CRPPA: variants seen among roughly 807,000 people sequenced by gnomAD.
CRPPA encodes CDP-L-ribitol pyrophosphorylase A.
A neutral mutation model predicts 52.0 loss-of-function variants in CRPPA; 43 were observed. The observed-to-expected ratio is 0.83, with a 90% confidence interval of 0.65 to 1.07. The LOEUF (loss-of-function observed/expected upper bound fraction) is 1.07. CRPPA is among the 50% of genes least tolerant of loss of function. The probability of loss-of-function intolerance (pLI) is 0.00; values close to 1 mark genes in which losing one functional copy is unlikely to be tolerated. For missense variants in CRPPA, 629 were observed against 551.7 expected (o/e 1.14, Z -1.40); for synonymous variants, 250 against 203.5 (o/e 1.23, Z -1.94).
chr7:16,324,081 A>G (rs1235403381), intron 3 of CRPPA, among the ~76,000 whole-genome samples: 1 of 152,212 alleles, frequency 6.6e-6, no homozygotes. Flanking sequence ...TGACCACAAA[A>G]TGAAACACCT....
chr7:16,242,962 A>T (rs1045920364), intron 8 of CRPPA, among the ~76,000 whole-genome samples: 2 of 152,194 alleles, frequency 1.3e-5, no homozygotes, highest in African/African-American at 4.8e-5. Context: ...TTAATGCTGA[A>T]ATCTGCTTTA....
At chr7:16,122,594 A>G (rs2128370224) in intron 9 of CRPPA, among the ~76,000 whole-genome samples, 1 of 152,168 alleles carries the variant, frequency 6.6e-6, no homozygotes, top group South Asian at 2.1e-4. Context: ...TGAGAAACCT[A>G]TCCCACTCAG....
At chr7:16,181,856 T>C (rs553213382) in intron 9 of CRPPA, among the ~76,000 whole-genome samples, 1 of 152,000 alleles carries the variant, frequency 6.6e-6, no homozygotes, top group Non-Finnish European at 1.5e-5. Context: ...TCTTCAACAA[T>C]TATAAATTGT....
At chr7:16,417,819 G>A (rs574962394) in intron 1 of CRPPA, among the ~76,000 whole-genome samples, 2 of 151,992 alleles carry the variant, frequency 1.3e-5, no homozygotes, top group East Asian at 3.9e-4. Context: ...TCAAATTTGG[G>A]GTATCACATA....
chr7:16,420,942 C>T (rs1788317057), intron 1 of CRPPA, 124 bp downstream of exon 1: 7 of 871,580 alleles, frequency 8.0e-6, no homozygotes, highest in East Asian at 3.3e-5. Context: ...AGAGCTCAAG[C>T]TTGAATAACT....
At chr7:16,410,473 C>A (rs1788054428) in intron 1 of CRPPA, among the ~76,000 whole-genome samples, 1 of 152,152 alleles carries the variant, frequency 6.6e-6, no homozygotes. Flanking sequence ...AAGATTCTGG[C>A]TCTACTGCCA....
intron 1 of CRPPA, among the ~76,000 whole-genome samples, chr7:16,409,397 C>G (rs976805506): frequency 1.3e-5 from 2 of 152,108 alleles, no homozygotes; most frequent in African/African-American, 4.8e-5. Context: ...ATCACAAGAG[C>G]ATAAATTTTA....
At chr7:16,397,457 C>G (rs1012578131) in intron 2 of CRPPA, among the ~76,000 whole-genome samples, 1 of 152,144 alleles carries the variant, frequency 6.6e-6, no homozygotes, top group East Asian at 1.9e-4. Context: ...AGACGTGACA[C>G]GTGACATGTG....
At chr7:16,389,924 A>ATATATATATATATAT (rs1169753280) in intron 2 of CRPPA, among the ~76,000 whole-genome samples, 33 of 62,542 alleles carry the variant, frequency 5.3e-4, no homozygotes, top group Non-Finnish European at 7.7e-4. Context: ...AAAAAAAAAA[A>ATATATATATATATAT]AAAAATATAT....
chr7:16,303,132 T>C (rs955966134), intron 4 of CRPPA, among the ~76,000 whole-genome samples: 2 of 152,228 alleles, frequency 1.3e-5, no homozygotes, highest in African/African-American at 4.8e-5. Flanking sequence ...GTGCTTGTTT[T>C]AGAAATACTA....
At chr7:16,228,268 C>G (rs1041682959) in intron 8 of CRPPA, among the ~76,000 whole-genome samples, 2 of 151,758 alleles carry the variant, frequency 1.3e-5, no homozygotes, top group Non-Finnish European at 3.0e-5. Flanking sequence ...AAAACTCACT[C>G]TTAGTTTCGT....
chr7:16,216,128 A>G lies in CRPPA; in HGVS notation c.1189T>C (p.Phe397Leu). 6.3e-7 allele frequency: 1 copy of G among 1,599,342 alleles called. No homozygotes were observed. Among genetic ancestry groups the G allele is most frequent in the South Asian group, 1.1e-5 (1 of 89,436 alleles). ...KMENLMQIRE[F>L]AKEVKERNIL... ...TTTCTTTCTTTTACTTCCTTTGCAA[A>G]TTCTCTAATCTGCATTAGGTTTTCC... The change falls in exon 9 of 10, where the codon TTT (phenylalanine) becomes CTT (leucine). Residue 397 changes from phenylalanine to leucine, a missense_variant. By Grantham distance (22) the Phe-to-Leu change is conservative. Transcript: ENST00000407010.
chr7:16,292,332 T>A lies in CRPPA; in HGVS notation c.835+9089A>T, dbSNP rs552749544. On this transcript the variant is annotated intron_variant, in intron 5 of 9. Transcript: ENST00000407010. The stretch of plus-strand genomic sequence containing the variant: ...CCAGAACTTCTCAGGAGGTCAGTTG[T>A]CCTTTTGTGCAGGACTCTTCAATGC... Among the ~76,000 whole-genome samples the A allele has an allele frequency of 2.0e-5, 3 of 152,074 alleles. No individual in the cohort carries two copies. In the East Asian group the frequency reaches 5.8e-4, roughly 29 times the overall value.
chr7:16,381,741 T>C (rs1486526362), intron 2 of CRPPA, among the ~76,000 whole-genome samples: 1 of 151,984 alleles, frequency 6.6e-6, no homozygotes, highest in African/African-American at 2.4e-5. Context: ...TTTACCATTA[T>C]GTAATGGCCT....
At chr7:16,235,192 T>C (rs933595473) in intron 8 of CRPPA, among the ~76,000 whole-genome samples, 2 of 151,956 alleles carry the variant, frequency 1.3e-5, no homozygotes, top group African/African-American at 4.8e-5. Context: ...AAGAGAGAAG[T>C]TGAGATGAAT....
At position 16,212,669 on chromosome 7, in the gene CRPPA, C is replaced by T. The variant is rs569645997; in HGVS notation, c.1251+3397G>A. ...GTCAGAGTGAGATATGTATGTATAA[C>T]GCATCTCTGGACACAGCCAGCACCA... On this transcript the variant is annotated intron_variant, in intron 9 of 9. Coordinates refer to ENST00000407010, the MANE Select transcript of CRPPA (RefSeq NM_001101426.4). 4.6e-5 allele frequency among the ~76,000 whole-genome samples: 7 copies of T among 152,288 alleles called. No individual in the cohort carries two copies. The East Asian group carries it at 7.7e-4, about 17-fold the overall frequency.
chr7:16,314,847 A>G (rs1310633168), intron 3 of CRPPA, among the ~76,000 whole-genome samples: 2 of 152,086 alleles, frequency 1.3e-5, no homozygotes, highest in Non-Finnish European at 2.9e-5. Flanking sequence ...TGAGTATAAT[A>G]TGCTTAGGTG....
intron 8 of CRPPA, among the ~76,000 whole-genome samples, chr7:16,258,101 A>C (rs1378664930): frequency 6.6e-6 from 1 of 152,094 alleles, no homozygotes; most frequent in South Asian, 2.1e-4. Context: ...CCAAACAACC[A>C]GTTGACTTAA....
At chr7:16,259,809 A>C (rs1373210198) in intron 6 of CRPPA, among the ~76,000 whole-genome samples, 2 of 152,012 alleles carry the variant, frequency 1.3e-5, no homozygotes, top group Admixed American at 6.6e-5. Flanking sequence ...TTCTAAAAAT[A>C]ATACAGTGCT....
Sources: gnomAD v4.1 joint callset for allele counts (sites outside exome capture counted in the v4.1 genomes callset) on GRCh38, gnomAD v4.1.1 for gene constraint, MANE v1.5 for transcripts, NCBI Gene and HGNC (gene_info 2026-07-23, HGNC 2026-07-21) for gene names.